The following DOCK1 variants were observed in gnomAD, a reference collection of about 807,000 sequenced individuals.
DOCK1 encodes dedicator of cytokinesis protein 1.
A neutral mutation model predicts 262.7 loss-of-function variants in DOCK1; 138 were observed. The observed-to-expected ratio is 0.53, with a 90% CI of 0.46 to 0.61. The LOEUF (loss-of-function observed/expected upper bound fraction) is 0.61. Ranked by LOEUF, DOCK1 falls within the 20% of genes least tolerant of loss-of-function variation. The probability of loss-of-function intolerance (pLI) is 0.00; values close to 1 mark genes in which losing one functional copy is unlikely to be tolerated. For synonymous variants in DOCK1, 866 were observed against 867.4 expected (o/e 1.00, Z 0.03); for missense variants, 1,908 against 2,370.7 (o/e 0.80, Z 4.05).
In DOCK1 at chr10:127,374,221, G is replaced by T; in HGVS notation, c.3675+7G>T. ...CTGCACCGTCAATGTGCTGGTGAGT[G>T]AAAGCTTAATCACGTTTTTTCAGTT... On this transcript the variant is annotated splice_region_variant and intron_variant, in intron 35 of 51. Coordinates refer to ENST00000623213, the MANE Select transcript of DOCK1 (RefSeq NM_001290223.2). The T allele has an allele frequency of 1.2e-6, 2 of 1,602,648 alleles. No individual in the cohort carries two copies. The highest frequency in any genetic ancestry group is 1.7e-6 in the Non-Finnish European group (2 of 1,175,068).
chr10:127,212,013 GTTTTCCT>G (rs566751700), intron 27 of DOCK1, among the ~76,000 whole-genome samples: 21 of 152,292 alleles, frequency 1.4e-4, no homozygotes, highest in Admixed American at 9.8e-4. Context: ...AATACAATGT[GTTTTCCT>G]TCTTGAAGGA....
At chr10:127,181,345 T>C (rs2133968127) in intron 27 of DOCK1, among the ~76,000 whole-genome samples, 1 of 152,216 alleles carries the variant, frequency 6.6e-6, no homozygotes, top group South Asian at 2.1e-4. Flanking sequence ...TTTTGTGGGG[T>C]TCCATTAGCT....
intron 23 of DOCK1, among the ~76,000 whole-genome samples, chr10:127,098,635 G>C (rs950202857): frequency 6.6e-6 from 1 of 152,108 alleles, no homozygotes; most frequent in Non-Finnish European, 1.5e-5. Context: ...GGAGGAGCCC[G>C]GACAGCACCC....
intron 1 of DOCK1, among the ~76,000 whole-genome samples, chr10:126,960,747 C>CAT (rs2037138493): frequency 9.9e-6 from 1 of 100,564 alleles, no homozygotes. Flanking sequence ...TATATATATA[C>CAT]ACACACACAC....
intron 27 of DOCK1, among the ~76,000 whole-genome samples, chr10:127,153,073 T>C (rs2052665716): frequency 6.6e-6 from 1 of 152,238 alleles, no homozygotes; most frequent in Non-Finnish European, 1.5e-5. Flanking sequence ...TAATTGTTTT[T>C]TGATAATTTG....
intron 22 of DOCK1, among the ~76,000 whole-genome samples, chr10:127,054,037 A>G (rs1035528487): frequency 1.3e-5 from 2 of 152,240 alleles, no homozygotes; most frequent in Non-Finnish European, 2.9e-5. Flanking sequence ...TTTGCCTTTG[A>G]AAAGCATGGT....
intron 22 of DOCK1, among the ~76,000 whole-genome samples, chr10:127,053,610 T>G (rs1029633061): frequency 6.6e-6 from 1 of 152,168 alleles, no homozygotes; most frequent in Non-Finnish European, 1.5e-5. Flanking sequence ...GAACAAAAAA[T>G]GTATTTATTA....
intron 29 of DOCK1, among the ~76,000 whole-genome samples, chr10:127,324,250 A>G (rs2062662285): frequency 2.0e-5 from 3 of 152,244 alleles, no homozygotes; most frequent in Admixed American, 1.3e-4. Context: ...TCAGTTGACA[A>G]TCAGCACCAG....
chr10:126,912,498 G>A (rs1026435998), intron 1 of DOCK1, among the ~76,000 whole-genome samples: 29 of 151,428 alleles, frequency 1.9e-4, no homozygotes, highest in Admixed American at 1.2e-3. Context: ...AGGCCAAGGC[G>A]GGGAGATCAC....
At position 126,932,422 on chromosome 10, in the gene DOCK1, T is replaced by C. The variant is rs1246424398; in HGVS notation, c.46+26859T>C. 2.6e-5 allele frequency among the ~76,000 whole-genome samples: 4 copies of C among 152,346 alleles called. No homozygotes were observed. The East Asian group carries it at 7.7e-4, about 29-fold the overall frequency. ...TCCCGGGAAGACCTAGAGATTGCTTTTGACTAAACCCAATCAACAGGCTGA... is the reference window on the plus strand; with the variant it reads ...TCCCGGGAAGACCTAGAGATTGCTTCTGACTAAACCCAATCAACAGGCTGA... On this transcript the variant is annotated intron_variant, in intron 1 of 51. Coordinates refer to ENST00000623213, the MANE Select transcript of DOCK1 (RefSeq NM_001290223.2).
At chr10:127,402,689 T>C (rs779978405) in intron 38 of DOCK1, 1 of 526,404 alleles carries the variant, frequency 1.9e-6, no homozygotes, top group South Asian at 1.4e-5. Context: ...ACAGCCTCTC[T>C]TCACCCTACG....
At chr10:127,177,927 TAAGC>T (rs1449346587) in intron 27 of DOCK1, among the ~76,000 whole-genome samples, 3 of 152,142 alleles carry the variant, frequency 2.0e-5, no homozygotes, top group African/African-American at 7.2e-5. Context: ...ACACAGGAAA[TAAGC>T]AGCGCAGGCA....
intron 29 of DOCK1, among the ~76,000 whole-genome samples, chr10:127,262,015 C>T (rs189490815): frequency 3.0e-5 from 3 of 100,774 alleles, no homozygotes; most frequent in African/African-American, 4.2e-5. Context: ...TGTTTGTGTA[C>T]CTGCATGTGT....
chr10:127,064,908 C>T (rs1267852669), intron 23 of DOCK1, among the ~76,000 whole-genome samples: 1 of 152,220 alleles, frequency 6.6e-6, no homozygotes, highest in Non-Finnish European at 1.5e-5. Context: ...CAACTCCCTG[C>T]AGCCCCTGGC....
At chr10:126,948,551 G>C (rs1182384310) in intron 1 of DOCK1, among the ~76,000 whole-genome samples, 1 of 151,842 alleles carries the variant, frequency 6.6e-6, no homozygotes, top group African/African-American at 2.4e-5. Flanking sequence ...TCTTTTTTAC[G>C]TGGGGTGGGG....
intron 13 of DOCK1, among the ~76,000 whole-genome samples, chr10:127,022,183 A>G (rs2042480918): frequency 6.6e-6 from 1 of 150,980 alleles, no homozygotes; most frequent in South Asian, 2.1e-4. Context: ...TAAAACAGAC[A>G]GGTCTGTTTT....
At chr10:127,308,798 G>A (rs1486113035) in intron 29 of DOCK1, among the ~76,000 whole-genome samples, 2 of 152,118 alleles carry the variant, frequency 1.3e-5, no homozygotes, top group Non-Finnish European at 2.9e-5. Context: ...AGTATTCCGT[G>A]GTGTATATGT....
chr10:127,451,249 C>A (rs530030299), intron 51 of DOCK1, 83 bp from the exon 52 acceptor site: 1 of 1,475,910 alleles, frequency 6.8e-7, no homozygotes, highest in Admixed American at 2.0e-5. Context: ...GTGGCTGTGC[C>A]AGGTCAGACC....
chr10:127,391,833 C>G (rs1228744950), intron 38 of DOCK1, among the ~76,000 whole-genome samples: 1 of 152,112 alleles, frequency 6.6e-6, no homozygotes, highest in Non-Finnish European at 1.5e-5. Flanking sequence ...CCTGTCTCCA[C>G]CCTTCCGCTC....
Sources: allele counts gnomAD v4.1 joint callset (sites outside exome capture counted in the v4.1 genomes callset), GRCh38; gene constraint gnomAD v4.1.1; transcripts MANE v1.5; gene names NCBI Gene and HGNC (gene_info 2026-07-23, HGNC 2026-07-21).